The following TUSC3 variants were observed in gnomAD, a reference collection of about 807,000 sequenced individuals.
TUSC3 encodes dolichyl-diphosphooligosaccharide--protein glycosyltransferase subunit TUSC3.
Under a neutral mutation model 44.8 loss-of-function variants are expected in TUSC3, and 45 were observed. That is an observed-to-expected ratio of 1.00 (90% CI 0.79 to 1.29). The LOEUF is 1.29. Ranked by LOEUF, TUSC3 falls within the 50% of genes most tolerant of loss-of-function variation. TUSC3 has a pLI of 0.00. For missense variants in TUSC3, 519 were observed against 437.9 expected (o/e 1.19, Z -1.65); for synonymous variants, 212 against 152.9 (o/e 1.39, Z -2.85).
upstream of TUSC3, among the ~76,000 whole-genome samples, chr8:15,536,163 C>T (rs1454302368): frequency 6.6e-6 from 1 of 152,088 alleles, no homozygotes; most frequent in Non-Finnish European, 1.5e-5. Flanking sequence ...AGTGTAGAGA[C>T]AGAGTCTGCA....
chr8:15,595,108 A>C (rs1233688101), intron 1 of TUSC3, among the ~76,000 whole-genome samples: 1 of 152,182 alleles, frequency 6.6e-6, no homozygotes, highest in Non-Finnish European at 1.5e-5. Context: ...TTGCATTCCC[A>C]TCACTTTGTT....
At position 15,453,876 on chromosome 8, in the gene TUSC3, C is replaced by G. The variant is rs576666143; in HGVS notation, n.92-29510C>G. The stretch of plus-strand genomic sequence containing the variant: ...CCAGCACCAGGGAAAGGCAGTCTCT[C>G]TATAGATAGAAACACCTGAAACTGG... On this transcript the variant is annotated intron_variant and non_coding_transcript_variant, in intron 1 of 5. Transcript: ENST00000503191. Among the ~76,000 whole-genome samples the G allele has an allele frequency of 6.6e-4, 100 of 152,250 alleles. 1 individual carries two copies. In the South Asian group the frequency reaches 7.1e-3, roughly 11 times the overall value.
intron 2 of TUSC3, among the ~76,000 whole-genome samples, chr8:15,484,583 G>C (rs780654709): frequency 6.6e-6 from 1 of 152,202 alleles, no homozygotes; most frequent in African/African-American, 2.4e-5. Context: ...GTAGGGCATA[G>C]ATAAAAAGTA....
intron 6 of TUSC3, among the ~76,000 whole-genome samples, chr8:15,691,354 A>C (rs1440916922): frequency 6.6e-6 from 1 of 152,116 alleles, no homozygotes; most frequent in Admixed American, 6.6e-5. Flanking sequence ...TTCTGCATTG[A>C]TTTACTAGCC....
intron 3 of TUSC3, among the ~76,000 whole-genome samples, chr8:15,651,996 T>G (rs921656861): frequency 6.6e-6 from 1 of 152,204 alleles, no homozygotes; most frequent in Non-Finnish European, 1.5e-5. Context: ...GCAGAAATTG[T>G]TGCTTGTCCA....
the TUSC3 span, among the ~76,000 whole-genome samples, chr8:15,838,991 C>T: frequency 1.5e-4 from 23 of 152,126 alleles, 1 homozygote; most frequent in Non-Finnish European, 2.9e-4. Flanking sequence ...TACCCATGAA[C>T]ATGGAATGTT....
chr8:15,440,061 A>C (rs554941278), intron 1 of TUSC3, among the ~76,000 whole-genome samples: 5 of 152,194 alleles, frequency 3.3e-5, no homozygotes, highest in African/African-American at 4.8e-5. Context: ...GCTTTCATCA[A>C]ATTATCCCAC....
At chr8:15,479,584 A>G (rs1222581045) in intron 1 of TUSC3, among the ~76,000 whole-genome samples, 2 of 152,186 alleles carry the variant, frequency 1.3e-5, no homozygotes, top group Non-Finnish European at 2.9e-5. Flanking sequence ...GTCAAAGATC[A>G]GATGGTTGTA....
chr8:15,704,555 C>G (rs1412913095), intron 6 of TUSC3, among the ~76,000 whole-genome samples: 1 of 152,058 alleles, frequency 6.6e-6, no homozygotes, highest in Non-Finnish European at 1.5e-5. Flanking sequence ...GTTCTTTGTT[C>G]TCGTTCGGTT....
rs766746433 is a variant in TUSC3 at position 15,540,506 on chromosome 8, C to T, written c.76C>T (p.Pro26Ser). The change falls in exon 1 of 11, where the codon CCC (proline) becomes TCC (serine). Residue 26 changes from proline (P) to serine (S), a missense_variant. Pro to Ser is a moderately conservative substitution (Grantham distance 74). Coordinates refer to ENST00000503731, the MANE Select transcript of TUSC3 (RefSeq NM_006765.4). ...GCGGTACCTGCCCACCGGGAGCTTT[C>T]CCTTCCTTCTCCTGCTGCTGCTGCT... ...RLRYLPTGSF[P>S]FLLLLLLLCI... 1.9e-6 allele frequency: 3 copies of T among 1,608,462 alleles called. No individual in the cohort carries two copies. The highest frequency in any genetic ancestry group is 2.5e-6 in the Non-Finnish European group (3 of 1,178,046).
chr8:15,509,299 G>C (rs1457261951), intron 2 of TUSC3, among the ~76,000 whole-genome samples: 1 of 152,114 alleles, frequency 6.6e-6, no homozygotes, highest in South Asian at 2.1e-4. Flanking sequence ...TTAACTGAAT[G>C]CTACGTGAAA....
At chr8:15,594,606 A>G (rs966389594) in intron 1 of TUSC3, among the ~76,000 whole-genome samples, 1 of 152,180 alleles carries the variant, frequency 6.6e-6, no homozygotes, top group African/African-American at 2.4e-5. Flanking sequence ...CATTCAGTGT[A>G]GGGATAATTA....
chr8:15,760,839 A>G (rs1447044001), intron 10 of TUSC3, among the ~76,000 whole-genome samples: 1 of 152,158 alleles, frequency 6.6e-6, no homozygotes, highest in Non-Finnish European at 1.5e-5. Flanking sequence ...ATATGTTCCC[A>G]TACTTTCATA....
At chr8:15,813,837 C>G in the TUSC3 span, among the ~76,000 whole-genome samples, 4 of 152,012 alleles carry the variant, frequency 2.6e-5, no homozygotes, top group East Asian at 5.8e-4. Flanking sequence ...CGAAGTATTA[C>G]GTTGAGGCAG....
intron 1 of TUSC3, among the ~76,000 whole-genome samples, chr8:15,575,018 T>C (rs1265523014): frequency 6.6e-6 from 1 of 152,170 alleles, no homozygotes; most frequent in Non-Finnish European, 1.5e-5. Flanking sequence ...GCTTCATTTT[T>C]ATTTCTTGAA....
At chr8:15,663,962 G>A (rs1180928387) in intron 5 of TUSC3, among the ~76,000 whole-genome samples, 1 of 151,782 alleles carries the variant, frequency 6.6e-6, no homozygotes, top group East Asian at 1.9e-4. Context: ...AAAAATTGAT[G>A]TAGTCTCATC....
At chr8:15,623,951 C>T (rs1333376081) in intron 2 of TUSC3, among the ~76,000 whole-genome samples, 3 of 152,116 alleles carry the variant, frequency 2.0e-5, no homozygotes, top group African/African-American at 7.2e-5. Flanking sequence ...AAGTCACCCG[C>T]ACTCTCCATT....
At chr8:15,442,684 T>C (rs1010297126) in intron 1 of TUSC3, among the ~76,000 whole-genome samples, 2 of 152,132 alleles carry the variant, frequency 1.3e-5, no homozygotes, top group Non-Finnish European at 2.9e-5. Flanking sequence ...TCATTCCTTC[T>C]AGATTCTGTC....
upstream of TUSC3, chr8:15,540,255 G>T (rs1801631161): frequency 1.1e-6 from 1 of 878,004 alleles, no homozygotes; most frequent in Non-Finnish European, 1.6e-6. Flanking sequence ...TGAACCGGAT[G>T]CTCTGTCAGT....
Sources: allele counts gnomAD v4.1 joint callset (sites outside exome capture counted in the v4.1 genomes callset), GRCh38; gene constraint gnomAD v4.1.1; transcripts MANE v1.5; gene names NCBI Gene and HGNC (gene_info 2026-07-23, HGNC 2026-07-21).